The following TLN2 variants were observed in gnomAD, a reference collection of about 807,000 sequenced individuals.
TLN2 encodes talin-2.
In TLN2, 118 loss-of-function variants were observed where a neutral mutation model predicts 294.7. That is an observed-to-expected ratio of 0.40 (90% CI 0.34 to 0.47). TLN2 has a LOEUF of 0.47. Among genes scored for constraint, TLN2 ranks in the 20% least tolerant of loss-of-function variants. The probability of loss-of-function intolerance (pLI) is 0.84; values close to 1 mark genes in which losing one functional copy is unlikely to be tolerated. For synonymous variants in TLN2, 1,431 were observed against 1,304.5 expected (o/e 1.10, Z -2.09); for missense variants, 3,083 against 3,282.2 (o/e 0.94, Z 1.48).
intron 1 of TLN2, among the ~76,000 whole-genome samples, chr15:62,445,860 C>T (rs971835912): frequency 6.6e-6 from 1 of 152,044 alleles, no homozygotes; most frequent in Admixed American, 6.5e-5. Context: ...GATGAGGGCT[C>T]ACTGTGTTGC....
intron 46 of TLN2, 152 bp downstream of exon 46, chr15:62,792,939 C>G: frequency 3.1e-6 from 4 of 1,282,616 alleles, no homozygotes; most frequent in Non-Finnish European, 4.3e-6. Context: ...CAGGTTCTCC[C>G]AAAAATGGGG....
intron 1 of TLN2, among the ~76,000 whole-genome samples, chr15:62,462,239 CATAA>C (rs934826586): frequency 5.3e-5 from 8 of 152,200 alleles, no homozygotes; most frequent in Non-Finnish European, 1.0e-4. Flanking sequence ...GTCTCAAAAA[CATAA>C]ATAAATAAAC....
chr15:62,642,739 C>T (rs901438650), intron 3 of TLN2, among the ~76,000 whole-genome samples: 2 of 151,240 alleles, frequency 1.3e-5, no homozygotes, highest in Admixed American at 6.6e-5. Context: ...GCTCTGTCAC[C>T]CAGGCTGGGG....
intron 1 of TLN2, among the ~76,000 whole-genome samples, chr15:62,511,959 C>T (rs2039959948): frequency 6.6e-6 from 1 of 152,168 alleles, no homozygotes; most frequent in Non-Finnish European, 1.5e-5. Flanking sequence ...GCCTGAAATG[C>T]TCCCTTGCCG....
At chr15:62,556,749 G>T (rs2042627727) in intron 1 of TLN2, among the ~76,000 whole-genome samples, 1 of 152,128 alleles carries the variant, frequency 6.6e-6, no homozygotes, top group African/African-American at 2.4e-5. Flanking sequence ...GTCTGCATTG[G>T]TTAGAGGGTG....
intron 1 of TLN2, among the ~76,000 whole-genome samples, chr15:62,457,803 G>A (rs2036566401): frequency 6.6e-6 from 1 of 152,206 alleles, no homozygotes; most frequent in Admixed American, 6.5e-5. Context: ...GGAGCATGAA[G>A]TCCCATTTTG....
intron 1 of TLN2, among the ~76,000 whole-genome samples, chr15:62,439,700 C>T (rs1340114269): frequency 6.6e-6 from 1 of 152,152 alleles, no homozygotes; most frequent in African/African-American, 2.4e-5. Context: ...TGGTGAATGG[C>T]CAGTCAGTGA....
In TLN2 at chr15:62,738,333, G is replaced by A. The variant is rs2061139347; in HGVS notation, c.3687G>A (p.Ser1229=). The A allele has an allele frequency of 1.2e-6, 2 of 1,613,768 alleles. No individual in the cohort carries two copies. The highest frequency in any genetic ancestry group is 1.3e-5 in the African/African-American group (1 of 75,034). The change falls in exon 30 of 59, where the codon TCG becomes TCA. Residue 1229 remains serine (S), a splice_region_variant and synonymous_variant. Transcript: ENST00000636159. ...GESSKKLLVD[S]LPPSTKPFQE... is the part of the protein sequence containing the mutation. Reference sequence around the variant, plus strand: ...CCAGCAAGAAGCTGCTTGTGGATTCGGTGAGAGGTTCTTAGATTGAGAAAG... The same window carrying A: ...CCAGCAAGAAGCTGCTTGTGGATTCAGTGAGAGGTTCTTAGATTGAGAAAG...
Position 62,459,277 on chromosome 15 carries a change from G to T in TLN2, c.-238+68592G>T, listed in dbSNP as rs185541362. Among the ~76,000 whole-genome samples, 363 of 148,886 alleles carry T rather than the reference G, an allele frequency of 2.4e-3. 3 individuals carry two copies. Among genetic ancestry groups the T allele is most frequent in the African/African-American group, 8.7e-3 (355 of 40,640 alleles). On this transcript the variant is annotated intron_variant, in intron 1 of 58. Coordinates refer to ENST00000636159, the MANE Select transcript of TLN2 (RefSeq NM_015059.3). ...GGCCTCCCAAAGTGCTGGGATTACA[G>T]GTGTGAGCCACCACGCTCGGCCTTT...
rs1220444014 is a variant in TLN2 at position 62,708,532 on chromosome 15, T to A, written c.2203T>A (p.Cys735Ser). Residue 735 changes from cysteine (C) to serine (S), a missense_variant, in exon 21 of 59, where the codon TGC (cysteine) becomes AGC (serine). Coordinates refer to ENST00000636159, the MANE Select transcript of TLN2 (RefSeq NM_015059.3). ...GAGCCCCACTATTAGCTCCCCTGTG[T>A]GCCAGGAGCAGCTGATTGAAGCAGG... ...VVSPTISSPVCQEQLIEAGKL... is the reference protein window; with the variant it reads ...VVSPTISSPVSQEQLIEAGKL... 2 of 1,614,032 alleles carry A rather than the reference T, an allele frequency of 1.2e-6. No homozygotes were observed. Among genetic ancestry groups the A allele is most frequent in the Non-Finnish European group, 1.7e-6 (2 of 1,179,918 alleles).
intron 52 of TLN2, among the ~76,000 whole-genome samples, chr15:62,812,320 A>T (rs758655682): frequency 6.6e-6 from 1 of 152,172 alleles, no homozygotes; most frequent in African/African-American, 2.4e-5. Context: ...CCTGTGCAGC[A>T]TTGATAATGT....
chr15:62,470,522 C>A (rs1012352663), intron 1 of TLN2, among the ~76,000 whole-genome samples: 2 of 152,248 alleles, frequency 1.3e-5, no homozygotes, highest in Admixed American at 1.3e-4. Flanking sequence ...TGGCCCTTCA[C>A]AGGCCTCAGA....
At position 62,838,842 on chromosome 15, in the gene TLN2, T is replaced by G. The variant is rs777413160; in HGVS notation, c.7375-14T>G. 1 of 1,608,346 alleles carries G rather than the reference T, an allele frequency of 6.2e-7. No homozygotes were observed. On this transcript the variant is annotated splice_polypyrimidine_tract_variant and intron_variant, in intron 57 of 58. Transcript: ENST00000636159. ...GTTTCTAATGATATAATGTATGTTT[T>G]GTTCACTCTCCAGGCGGCAGGAAAT...
At chr15:62,676,688 C>T (rs1279098616) in intron 11 of TLN2, among the ~76,000 whole-genome samples, 1 of 152,198 alleles carries the variant, frequency 6.6e-6, no homozygotes, top group African/African-American at 2.4e-5. Context: ...GATCGTGGCT[C>T]ATTGAAACCT....
At chr15:62,489,706 A>G (rs1448209325) in intron 1 of TLN2, among the ~76,000 whole-genome samples, 2 of 152,228 alleles carry the variant, frequency 1.3e-5, no homozygotes, top group Non-Finnish European at 2.9e-5. Flanking sequence ...ATGGCATGTG[A>G]TCGCAGAGAC....
chr15:62,617,140 A>G (rs1335929159), intron 2 of TLN2, among the ~76,000 whole-genome samples: 1 of 152,122 alleles, frequency 6.6e-6, no homozygotes, highest in Non-Finnish European at 1.5e-5. Flanking sequence ...TCACAGTGCT[A>G]GGCATTCTCA....
At chr15:62,580,757 A>C (rs1390360211) in intron 1 of TLN2, among the ~76,000 whole-genome samples, 1 of 152,052 alleles carries the variant, frequency 6.6e-6, no homozygotes, top group East Asian at 1.9e-4. Context: ...GGAAAAATGT[A>C]GAATGATACA....
At chr15:62,766,642 A>C (rs1477867057) in intron 41 of TLN2, among the ~76,000 whole-genome samples, 1 of 152,054 alleles carries the variant, frequency 6.6e-6, no homozygotes, top group African/African-American at 2.4e-5. Context: ...TCAGAAGAAA[A>C]CTTCAGTGCA....
rs1032544126 is a variant in TLN2, at chr15:62,447,496, T to C, written c.-238+56811T>C. ...CTCCTTGGACAGAGTTAACTTTACT[T>C]TTTTTTTTTTTTTTTTGAGATGGAG... is the stretch of plus-strand genomic sequence containing the variant. On this transcript the variant is annotated intron_variant, in intron 1 of 58. Coordinates refer to ENST00000636159, the MANE Select transcript of TLN2 (RefSeq NM_015059.3). 2.3e-4 allele frequency among the ~76,000 whole-genome samples: 32 copies of C among 139,048 alleles called. 1 individual carries two copies. The East Asian group carries it at 4.5e-3, about 20-fold the overall frequency. 91.2% of individuals were successfully genotyped at this position (139,048 alleles called of 152,430 possible).
Sources: allele counts gnomAD v4.1 joint callset (sites outside exome capture counted in the v4.1 genomes callset), GRCh38; gene constraint gnomAD v4.1.1; transcripts MANE v1.5; gene names NCBI Gene and HGNC (gene_info 2026-07-23, HGNC 2026-07-21).